Variants in DENR observed in about 807,000 individuals in gnomAD.
The protein encoded by DENR is density regulated re-initiation and release factor.
In DENR, 6 loss-of-function variants were observed where a neutral mutation model predicts 30.6. The ratio of observed to expected loss-of-function variants is 0.20; its 90% CI spans 0.11 to 0.39. DENR has a LOEUF of 0.39. Ranked by LOEUF, DENR falls within the 10% of genes least tolerant of loss-of-function variation. The pLI, the probability that DENR is intolerant of heterozygous loss-of-function variation, is 1.00. For synonymous variants in DENR, 78 were observed against 72.1 expected (o/e 1.08, Z -0.41); for missense variants, 141 against 230.9 (o/e 0.61, Z 2.52).
chr12:122,765,036 T>G (rs562374566), intron 4 of DENR, among the ~76,000 whole-genome samples: 35 of 152,238 alleles, frequency 2.3e-4, no homozygotes, highest in Non-Finnish European at 4.0e-4. Flanking sequence ...AGAGCCCAAG[T>G]GTTCTATGCT....
chr12:122,763,056 G>A (rs184636392), intron 4 of DENR, 127 bp downstream of exon 4: 17 of 620,026 alleles, frequency 2.7e-5, no homozygotes, highest in African/African-American at 2.1e-4. Flanking sequence ...TCTGTTAGCT[G>A]TTTAAGTTCT....
At chr12:122,756,594 A>C (rs1019713106) in intron 2 of DENR, among the ~76,000 whole-genome samples, 12 of 152,372 alleles carry the variant, frequency 7.9e-5, no homozygotes, top group African/African-American at 2.9e-4. Context: ...GGTTGCATTC[A>C]GGCAGGCACA....
Position 122,769,546 on chromosome 12 carries a change from G to A in DENR, c.*468G>A. On this transcript the variant is annotated 3_prime_UTR_variant, in exon 8 of 8. Coordinates refer to ENST00000280557, the MANE Select transcript of DENR (RefSeq NM_003677.5). ...TTTTTTGACAGAGTCTCGCACTGTT[G>A]CCTGGGCTGGAATGCAGTGGTGCGA... 1 of 917,302 alleles carries A rather than the reference G, an allele frequency of 1.1e-6. No homozygotes were observed. 56.8% of individuals were successfully genotyped at this position (917,302 alleles called of 1,614,324 possible). A position where few individuals can be genotyped will look rare whatever the true frequency, so the allele number is the denominator to read the frequency against.
At chr12:122,767,054 C>CT (rs1461603233) in intron 5 of DENR, among the ~76,000 whole-genome samples, 4 of 152,188 alleles carry the variant, frequency 2.6e-5, no homozygotes, top group Non-Finnish European at 5.9e-5. Context: ...CCTCTCCAGC[C>CT]TTTTTCCCTT....
At chr12:122,756,342 G>A (rs953771386) in intron 2 of DENR, among the ~76,000 whole-genome samples, 3 of 152,112 alleles carry the variant, frequency 2.0e-5, no homozygotes, top group South Asian at 4.1e-4. Flanking sequence ...CCAGCTACTC[G>A]GGAGGCTGAG....
At chr12:122,756,822 A>C (rs1878562029) in intron 2 of DENR, among the ~76,000 whole-genome samples, 2 of 152,214 alleles carry the variant, frequency 1.3e-5, no homozygotes, top group African/African-American at 4.8e-5. Flanking sequence ...GGAGCAGTGA[A>C]GTTACATGAA....
intron 2 of DENR, among the ~76,000 whole-genome samples, chr12:122,755,782 T>C (rs1384317479): frequency 6.6e-6 from 1 of 152,230 alleles, no homozygotes; most frequent in Admixed American, 6.5e-5. Flanking sequence ...AAGTGGAAAC[T>C]ACTGAAAGGT....
intron 2 of DENR, among the ~76,000 whole-genome samples, chr12:122,759,776 A>G (rs569353351): frequency 6.4e-4 from 98 of 151,942 alleles, no homozygotes; most frequent in African/African-American, 2.3e-3. Context: ...TTGTAGCTTT[A>G]GTATTTGCTG....
intron 6 of DENR, 43 bp from the exon 7 acceptor site, chr12:122,768,739 A>C (rs1242086806): frequency 1.3e-6 from 2 of 1,483,218 alleles, no homozygotes; most frequent in East Asian, 5.0e-5. Context: ...TCTTTGCACA[A>C]TTCCAATTAC....
chr12:122,761,137 T>C (rs1878688968), intron 2 of DENR, among the ~76,000 whole-genome samples: 2 of 151,646 alleles, frequency 1.3e-5, no homozygotes, highest in Non-Finnish European at 2.9e-5. Flanking sequence ...ATAGGCCAGG[T>C]GCGGTGGCTC....
chr12:122,760,401 T>C (rs1476584055), intron 2 of DENR, among the ~76,000 whole-genome samples: 1 of 152,134 alleles, frequency 6.6e-6, no homozygotes, highest in East Asian at 1.9e-4. Flanking sequence ...TCTCAGGATA[T>C]TGGACACACT....
intron 2 of DENR, among the ~76,000 whole-genome samples, chr12:122,759,717 AT>A (rs201357916): frequency 0.062 from 9,129 of 146,896 alleles, 437 homozygotes; most frequent in East Asian, 0.27. Flanking sequence ...CAAAACCCCA[AT>A]TTTTTTTTTT....
chr12:122,763,085 C>G, intron 4 of DENR, 156 bp downstream of exon 4: 1 of 565,074 alleles, frequency 1.8e-6, no homozygotes, highest in Non-Finnish European at 3.1e-6. Flanking sequence ...TAGGATAGGT[C>G]TGAATATCAA....
At chr12:122,767,374 A>C (rs1289794194) in intron 5 of DENR, 114 bp from the exon 6 acceptor site, 1 of 671,678 alleles carries the variant, frequency 1.5e-6, no homozygotes, top group Non-Finnish European at 2.4e-6. Flanking sequence ...TGTGTTTAGT[A>C]ATTTTTGTAT....
chr12:122,762,494 A>C (rs1001380353), intron 3 of DENR, among the ~76,000 whole-genome samples: 3 of 152,222 alleles, frequency 2.0e-5, no homozygotes, highest in African/African-American at 7.2e-5. Flanking sequence ...CTTAATGCCA[A>C]AATCTATACA....
At chr12:122,761,838 C>G (rs1878709352) in intron 2 of DENR, among the ~76,000 whole-genome samples, 1 of 152,164 alleles carries the variant, frequency 6.6e-6, no homozygotes, top group Non-Finnish European at 1.5e-5. Flanking sequence ...TAACCAGTTT[C>G]CTTCAAACTC....
At position 122,770,279 on chromosome 12, in the gene DENR, T is replaced by C. The variant is rs781020800; in HGVS notation, c.*1201T>C. The C allele has an allele frequency of 3.6e-4, 71 of 197,652 alleles. 1 individual carries two copies. Among genetic ancestry groups the C allele is most frequent in the Non-Finnish European group, 5.7e-4 (56 of 99,108 alleles). 12.2% of individuals were successfully genotyped at this position (197,652 alleles called of 1,614,324 possible). A position where few individuals can be genotyped will look rare whatever the true frequency, so the allele number is the denominator to read the frequency against. Reference sequence around the variant, plus strand: ...AATTGCAAATGTTATAAATGAACAATTGGGAAATGGTTAAAGAAGTGATGG... The same window carrying C: ...AATTGCAAATGTTATAAATGAACAACTGGGAAATGGTTAAAGAAGTGATGG... On this transcript the variant is annotated 3_prime_UTR_variant, in exon 8 of 8. Coordinates refer to ENST00000280557, the MANE Select transcript of DENR (RefSeq NM_003677.5).
In DENR at chr12:122,762,217, TA is replaced by T; in HGVS notation, c.126+13del. Reference sequence around the variant, plus strand: ...TCATTACCAACAGAGGTAAGTTCTTTAATTTTTTTTTTTACCTTATGTATTT... The same window carrying T: ...TCATTACCAACAGAGGTAAGTTCTTTATTTTTTTTTTTACCTTATGTATTT... On this transcript the variant is annotated intron_variant, in intron 3 of 7. Coordinates refer to ENST00000280557, the MANE Select transcript of DENR (RefSeq NM_003677.5). 2.1e-6 allele frequency: 3 copies of T among 1,412,764 alleles called. No individual in the cohort carries two copies. The South Asian group carries it at 4.0e-5, about 19-fold the overall frequency. 87.5% of individuals were successfully genotyped at this position (1,412,764 alleles called of 1,614,324 possible).
At chr12:122,753,350 G>C (rs1299066320) in intron 1 of DENR, among the ~76,000 whole-genome samples, 1 of 152,050 alleles carries the variant, frequency 6.6e-6, no homozygotes, top group East Asian at 1.9e-4. Flanking sequence ...TCTCACTGCA[G>C]TTTGCATCCC....
Sources: allele counts gnomAD v4.1 joint callset (sites outside exome capture counted in the v4.1 genomes callset), GRCh38; gene constraint gnomAD v4.1.1; transcripts MANE v1.5; gene names NCBI Gene and HGNC (gene_info 2026-07-23, HGNC 2026-07-21).